The following ZFR variants were observed in gnomAD, a reference collection of about 807,000 sequenced individuals.
ZFR encodes zinc finger RNA-binding protein.
Under a neutral mutation model 130.7 loss-of-function variants are expected in ZFR, and 19 were observed. That is an observed-to-expected ratio of 0.15 (90% CI 0.10 to 0.21). ZFR has a LOEUF of 0.21. ZFR is among the 10% of genes least tolerant of loss of function. The pLI is 1.00. For synonymous variants in ZFR, 466 were observed against 456.9 expected, an observed-to-expected ratio of 1.02 and a Z score of -0.25; for missense variants, 872 against 1,321.5, an observed-to-expected ratio of 0.66 and a Z score of 5.27.
At chr5:32,395,781 A>G (rs760434517) in intron 10 of ZFR, among the ~76,000 whole-genome samples, 1 of 152,154 alleles carries the variant, frequency 6.6e-6, no homozygotes. Flanking sequence ...TTTGATTTTC[A>G]TATTTTCTCA....
intron 6 of ZFR, 36 bp from the exon 7 acceptor site, chr5:32,404,133 A>G: frequency 6.5e-7 from 1 of 1,531,808 alleles, no homozygotes; most frequent in South Asian, 1.2e-5. Context: ...TTGCTTCACT[A>G]ATTTTCTTTA....
intron 1 of ZFR, 132 bp from the exon 2 acceptor site, chr5:32,444,460 C>T: frequency 7.8e-7 from 1 of 1,278,454 alleles, no homozygotes; most frequent in Non-Finnish European, 1.0e-6. Flanking sequence ...AGGCCGCGGC[C>T]GCGCCGCCTC....
chr5:32,403,036 G>A, intron 8 of ZFR, 70 bp downstream of exon 8: 2 of 1,486,866 alleles, frequency 1.3e-6, no homozygotes, highest in Non-Finnish European at 1.8e-6. Flanking sequence ...AGGGAGAAGG[G>A]TTAGTGCTGC....
At chr5:32,375,257 ACTG>A (rs1752773415) in intron 17 of ZFR, among the ~76,000 whole-genome samples, 1 of 152,240 alleles carries the variant, frequency 6.6e-6, no homozygotes, top group African/African-American at 2.4e-5. Context: ...AACTTCCGTT[ACTG>A]ATTCAAAAAT....
chr5:32,433,655 A>G (rs1021057236), intron 2 of ZFR, among the ~76,000 whole-genome samples: 14 of 152,190 alleles, frequency 9.2e-5, no homozygotes, highest in Non-Finnish European at 1.8e-4. Flanking sequence ...TTAGATTTGG[A>G]ATGTTTAATC....
intron 5 of ZFR, among the ~76,000 whole-genome samples, chr5:32,408,268 T>C (rs1753620272): frequency 6.8e-6 from 1 of 147,854 alleles, no homozygotes; most frequent in Non-Finnish European, 1.5e-5. Context: ...TTCTAAAAAC[T>C]ACACTGTGTC....
chr5:32,376,058 G>A (rs997735216), intron 17 of ZFR, among the ~76,000 whole-genome samples: 1 of 150,198 alleles, frequency 6.7e-6, no homozygotes, highest in Non-Finnish European at 1.5e-5. Context: ...GGCCAGGCTG[G>A]TCTTGAACTC....
chr5:32,393,493 G>A lies in ZFR; in HGVS notation c.1979+1666C>T, dbSNP rs187297485. On this transcript the variant is annotated intron_variant, in intron 11 of 19. Coordinates refer to ENST00000265069, the MANE Select transcript of ZFR (RefSeq NM_016107.5). ...TGAGTAGCCGGAATTACAGGCATGC[G>A]CCACCACGCCGGCTAATTTTGTATT... is the stretch of plus-strand genomic sequence containing the variant. Among the ~76,000 whole-genome samples the A allele has an allele frequency of 8.6e-3, 1,311 of 152,060 alleles. 8 individuals are homozygous for A. The highest frequency in any genetic ancestry group is 0.02 in the South Asian group (94 of 4,820).
intron 11 of ZFR, chr5:32,394,251 GA>G (rs1753245053): frequency 6.2e-6 from 1 of 162,064 alleles, no homozygotes; most frequent in African/African-American, 2.4e-5. Context: ...GGTACATAAG[GA>G]TGTATTATTC....
intron 2 of ZFR, among the ~76,000 whole-genome samples, chr5:32,428,037 G>C (rs1162477200): frequency 2.0e-5 from 3 of 152,160 alleles, no homozygotes; most frequent in Non-Finnish European, 4.4e-5. Context: ...AAGGAAAAAA[G>C]CTTCATGACA....
intron 2 of ZFR, among the ~76,000 whole-genome samples, chr5:32,439,804 TAAAAAA>T (rs11446399): frequency 5.5e-4 from 40 of 72,454 alleles, no homozygotes; most frequent in African/African-American, 1.4e-3. Context: ...ACCATGTCTT[TAAAAAA>T]AAAAAAAAAA....
chr5:32,423,169 CA>C (rs1005596333), intron 2 of ZFR, among the ~76,000 whole-genome samples: 40 of 152,068 alleles, frequency 2.6e-4, no homozygotes, highest in Admixed American at 7.2e-4. Flanking sequence ...TCCATCACTA[CA>C]AAAAACACAA....
intron 11 of ZFR, among the ~76,000 whole-genome samples, chr5:32,392,545 T>C (rs1581693475): frequency 2.0e-5 from 3 of 152,106 alleles, no homozygotes; most frequent in African/African-American, 7.2e-5. Flanking sequence ...GAAGTATAAA[T>C]AGCCAAACAT....
At chr5:32,443,888 G>A (rs1003444876) in intron 2 of ZFR, among the ~76,000 whole-genome samples, 1 of 152,220 alleles carries the variant, frequency 6.6e-6, no homozygotes, top group African/African-American at 2.4e-5. Context: ...GGCGGGGACT[G>A]GGGGGCCTGC....
At chr5:32,397,380 A>G in intron 9 of ZFR, 42 bp from the exon 10 acceptor site, 1 of 1,598,130 alleles carries the variant, frequency 6.3e-7, no homozygotes, top group Middle Eastern at 1.7e-4. Context: ...ATAGTTGAAG[A>G]TTATATCATT....
In ZFR at chr5:32,441,619, T is replaced by C. The variant is rs142580351; in HGVS notation, c.137+2610A>G. ...TGAAAAAATATTAGTAAAGTAGACC[T>C]TGGTCTTCCATCTCTAAAAGTTCCA... On this transcript the variant is annotated intron_variant, in intron 2 of 19. Transcript: ENST00000265069. Among the ~76,000 whole-genome samples the C allele has an allele frequency of 3.3e-3, 495 of 152,284 alleles. 4 individuals carry two copies. Among genetic ancestry groups the C allele is most frequent in the Non-Finnish European group, 5.6e-3 (381 of 68,026 alleles).
chr5:32,444,445 G>A, intron 1 of ZFR, 117 bp from the exon 2 acceptor site: 1 of 1,301,670 alleles, frequency 7.7e-7, no homozygotes, highest in Non-Finnish European at 1.0e-6. Flanking sequence ...GCCCTGGCGG[G>A]GCCCAGGCCG....
At chr5:32,370,521 C>T (rs1320579160) in intron 17 of ZFR, among the ~76,000 whole-genome samples, 6 of 151,920 alleles carry the variant, frequency 3.9e-5, no homozygotes, top group South Asian at 2.1e-4. Flanking sequence ...TACAGGTGTG[C>T]GCCATCTCAT....
intron 17 of ZFR, among the ~76,000 whole-genome samples, chr5:32,371,903 C>T (rs1752675668): frequency 6.6e-6 from 1 of 150,832 alleles, no homozygotes; most frequent in South Asian, 2.1e-4. Context: ...ATTAGCTTCA[C>T]ATACCCAAAT....
Sources: allele counts gnomAD v4.1 joint callset (sites outside exome capture counted in the v4.1 genomes callset), GRCh38; gene constraint gnomAD v4.1.1; transcripts MANE v1.5; gene names NCBI Gene and HGNC (gene_info 2026-07-23, HGNC 2026-07-21).